The following NT5C2 variants were observed in gnomAD, a reference collection of about 807,000 sequenced individuals.
NT5C2 encodes the protein cytosolic purine 5'-nucleotidase.
NT5C2 carries 58 observed loss-of-function variants against 76.1 expected under a neutral mutation model. The ratio of observed to expected loss-of-function variants is 0.76; its 90% confidence interval spans 0.62 to 0.95. NT5C2 has a LOEUF of 0.95. NT5C2 is among the 40% of genes least tolerant of loss of function. NT5C2 has a pLI of 0.00. For synonymous variants in NT5C2, 229 were observed against 237.4 expected, an observed-to-expected ratio of 0.96 and a Z score of 0.32; for missense variants, 478 against 690.3, an observed-to-expected ratio of 0.69 and a Z score of 3.45.
intron 4 of NT5C2, among the ~76,000 whole-genome samples, chr10:103,137,110 C>T (rs952516057): frequency 4.6e-5 from 7 of 152,164 alleles, no homozygotes; most frequent in Admixed American, 4.6e-4. Flanking sequence ...ATATTTGTCA[C>T]TTTTTGACAC....
At chr10:103,127,295 T>C (rs1252810830) in intron 4 of NT5C2, among the ~76,000 whole-genome samples, 2 of 152,184 alleles carry the variant, frequency 1.3e-5, no homozygotes, top group African/African-American at 4.8e-5. Flanking sequence ...CCAGGCAAAA[T>C]TACTTTTGTC....
chr10:103,115,407 T>C (rs1565028649), intron 4 of NT5C2, among the ~76,000 whole-genome samples: 3 of 147,706 alleles, frequency 2.0e-5, no homozygotes, highest in African/African-American at 7.5e-5. Context: ...GTCTCCAGAA[T>C]AAAAAAAAAA....
At position 103,155,320 on chromosome 10, in the gene NT5C2, G is replaced by A. The variant is rs566068651; in HGVS notation, c.102-15841C>T. Among the ~76,000 whole-genome samples the A allele has an allele frequency of 1.1e-4, 16 of 152,302 alleles. No homozygotes were observed. The South Asian group carries it at 3.1e-3, about 30-fold the overall frequency. On this transcript the variant is annotated intron_variant, in intron 3 of 18. Transcript: ENST00000404739. ...ACTGTTTTTTAAAAACTGACACTGTGCTAAGCTCTTTATTTATTACCTCAT... is the reference window on the plus strand; with the variant it reads ...ACTGTTTTTTAAAAACTGACACTGTACTAAGCTCTTTATTTATTACCTCAT...
intron 1 of NT5C2, among the ~76,000 whole-genome samples, chr10:103,192,477 G>A (rs1023121508): frequency 6.6e-6 from 1 of 152,214 alleles, no homozygotes; most frequent in Non-Finnish European, 1.5e-5. Flanking sequence ...AAGGGTTCAG[G>A]CCTCAGATCG....
chr10:103,192,120 A>T (rs1168633686), intron 1 of NT5C2, among the ~76,000 whole-genome samples: 1 of 152,100 alleles, frequency 6.6e-6, no homozygotes, highest in Admixed American at 6.6e-5. Flanking sequence ...AATAACACTA[A>T]GTTTTCATGG....
chr10:103,090,474 T>C (rs2066476867), intron 18 of NT5C2, 137 bp downstream of exon 18: 3 of 689,292 alleles, frequency 4.4e-6, no homozygotes, highest in Non-Finnish European at 7.1e-6. Context: ...CCCCTTCTTA[T>C]GCAACCATAT....
intron 4 of NT5C2, among the ~76,000 whole-genome samples, chr10:103,110,250 G>A (rs1288414466): frequency 2.6e-5 from 4 of 152,074 alleles, no homozygotes; most frequent in Non-Finnish European, 5.9e-5. Context: ...GAGGTCAGGA[G>A]TTTGAGACCA....
At chr10:103,117,085 G>A (rs181556803) in intron 4 of NT5C2, among the ~76,000 whole-genome samples, 1 of 151,942 alleles carries the variant, frequency 6.6e-6, no homozygotes, top group Admixed American at 6.5e-5. Context: ...AATAAGGGAC[G>A]ACACCAAAGT....
intron 8 of NT5C2, 90 bp downstream of exon 8, chr10:103,100,954 GC>G (rs1040368509): frequency 1.5e-5 from 12 of 796,702 alleles, no homozygotes; most frequent in Non-Finnish European, 2.2e-5. Context: ...CTTTAGAAAA[GC>G]AGAAAAGACC....
At chr10:103,116,172 G>A (rs2135533381) in intron 4 of NT5C2, among the ~76,000 whole-genome samples, 1 of 152,144 alleles carries the variant, frequency 6.6e-6, no homozygotes, top group South Asian at 2.1e-4. Flanking sequence ...TCTGCCACAT[G>A]ATTTTTAAAT....
At chr10:103,144,899 C>G (rs1433094095) in intron 3 of NT5C2, among the ~76,000 whole-genome samples, 1 of 152,134 alleles carries the variant, frequency 6.6e-6, no homozygotes, top group Admixed American at 6.5e-5. Flanking sequence ...GTGCTCTAAC[C>G]ACAAAAGCAA....
chr10:103,167,603 G>A (rs1446371026), intron 3 of NT5C2, among the ~76,000 whole-genome samples: 1 of 151,338 alleles, frequency 6.6e-6, no homozygotes, highest in African/African-American at 2.4e-5. Flanking sequence ...TTAGTATGAG[G>A]TTTAAAAAAA....
chr10:103,168,640 A>T (rs558893806), intron 3 of NT5C2, among the ~76,000 whole-genome samples: 1 of 152,362 alleles, frequency 6.6e-6, no homozygotes, highest in South Asian at 2.1e-4. Flanking sequence ...ACTTATCCTC[A>T]GCCCAGAAAA....
chr10:103,191,792 A>G (rs1196488210), intron 1 of NT5C2, among the ~76,000 whole-genome samples: 1 of 151,724 alleles, frequency 6.6e-6, no homozygotes, highest in Non-Finnish European at 1.5e-5. Context: ...ATTCTGGGTC[A>G]ATGAGAGTAA....
chr10:103,103,099 T>C (rs1215105314), intron 6 of NT5C2, among the ~76,000 whole-genome samples: 1 of 152,080 alleles, frequency 6.6e-6, no homozygotes, highest in Non-Finnish European at 1.5e-5. Context: ...TACTAAAATA[T>C]AAAAATGCAC....
intron 5 of NT5C2, 90 bp from the exon 6 acceptor site, chr10:103,105,891 A>C: frequency 2.4e-6 from 2 of 841,378 alleles, no homozygotes; most frequent in Non-Finnish European, 3.9e-6. Context: ...AACCAACCTC[A>C]TTTAATTCAA....
intron 4 of NT5C2, among the ~76,000 whole-genome samples, chr10:103,130,583 T>TAAA (rs5787482): frequency 4.4e-5 from 6 of 137,368 alleles, no homozygotes; most frequent in Admixed American, 2.9e-4. Context: ...AAATAAAAAT[T>TAAA]AAAAAAAAAA....
intron 1 of NT5C2, among the ~76,000 whole-genome samples, chr10:103,189,197 T>C (rs935437564): frequency 1.3e-4 from 20 of 152,228 alleles, no homozygotes; most frequent in Non-Finnish European, 5.9e-5. Context: ...ATGGAGTTTC[T>C]TTAATGTTTT....
chr10:103,126,544 C>T (rs1353977926), intron 4 of NT5C2, among the ~76,000 whole-genome samples: 1 of 152,164 alleles, frequency 6.6e-6, no homozygotes, highest in African/African-American at 2.4e-5. Context: ...ATCGCTTGAA[C>T]CTGGAAGGCG....
Sources: allele counts gnomAD v4.1 joint callset (sites outside exome capture counted in the v4.1 genomes callset), GRCh38; gene constraint gnomAD v4.1.1; transcripts MANE v1.5; gene names NCBI Gene and HGNC (gene_info 2026-07-23, HGNC 2026-07-21).